WWOX: variants seen among roughly 807,000 people sequenced by gnomAD.
WWOX encodes the protein WW domain containing oxidoreductase, also known as WW domain-containing oxidoreductase.
In WWOX, 69 loss-of-function variants were observed where a neutral mutation model predicts 46.2. The ratio of observed to expected loss-of-function variants is 1.49; its 90% CI spans 1.23 to 1.82. The LOEUF is 1.82. Ranked by LOEUF, WWOX falls within the 40% of genes most tolerant of loss-of-function variation. The pLI is 0.00. For synonymous variants in WWOX, 359 were observed against 202.6 expected (o/e 1.77, Z -6.56); for missense variants, 919 against 542.6 (o/e 1.69, Z -6.89).
intron 6 of WWOX, among the ~76,000 whole-genome samples, chr16:78,404,706 G>C (rs2082486682): frequency 1.3e-5 from 2 of 152,154 alleles, no homozygotes; most frequent in South Asian, 4.1e-4. Context: ...GCACTATGTT[G>C]AAGTGAGGCT....
intron 8 of WWOX, among the ~76,000 whole-genome samples, chr16:78,480,291 A>G (rs1050572416): frequency 1.3e-5 from 2 of 152,240 alleles, no homozygotes; most frequent in African/African-American, 4.8e-5. Flanking sequence ...TTTTGGATAC[A>G]TCTGCTTTAA....
At chr16:79,033,015 T>A (rs1031010387) in intron 8 of WWOX, among the ~76,000 whole-genome samples, 2 of 151,636 alleles carry the variant, frequency 1.3e-5, no homozygotes, top group Non-Finnish European at 2.9e-5. Flanking sequence ...TGAGAACATA[T>A]GGTATTTGCA....
rs556121160 is a variant in WWOX at position 78,463,149 on chromosome 16, G to A, written c.1056+30397G>A. Among the ~76,000 whole-genome samples, 10 of 152,312 alleles carry A rather than the reference G, an allele frequency of 6.6e-5. No homozygotes were observed. The East Asian group carries it at 1.3e-3, about 21-fold the overall frequency. On this transcript the variant is annotated intron_variant, in intron 8 of 8. Coordinates refer to ENST00000566780, the MANE Select transcript of WWOX (RefSeq NM_016373.4). Reference sequence around the variant, plus strand: ...ACTGTAGGAGATTTGGGGTTGGCATGCCAGAGTGAAAACGCGAAAGAAAAT... The same window carrying A: ...ACTGTAGGAGATTTGGGGTTGGCATACCAGAGTGAAAACGCGAAAGAAAAT...
At chr16:78,127,508 A>C (rs1210781121) in intron 4 of WWOX, among the ~76,000 whole-genome samples, 1 of 132,406 alleles carries the variant, frequency 7.6e-6, no homozygotes, top group Admixed American at 7.8e-5. Context: ...AGAAAAGAAT[A>C]ATCAACGGAA....
intron 8 of WWOX, among the ~76,000 whole-genome samples, chr16:78,528,726 C>T (rs528216828): frequency 5.9e-5 from 9 of 151,690 alleles, no homozygotes; most frequent in South Asian, 4.2e-4. Flanking sequence ...TAAATTTGGC[C>T]GGTGAAAATG....
chr16:78,728,433 G>A (rs1038749523), intron 8 of WWOX, among the ~76,000 whole-genome samples: 1 of 152,128 alleles, frequency 6.6e-6, no homozygotes, highest in Non-Finnish European at 1.5e-5. Context: ...GTGGCGTTGT[G>A]CTACATTTCT....
intron 8 of WWOX, among the ~76,000 whole-genome samples, chr16:78,604,515 A>G (rs2045697454): frequency 6.6e-6 from 1 of 152,306 alleles, no homozygotes; most frequent in Middle Eastern, 3.4e-3. Context: ...ATTCTTTTGT[A>G]AAAATTAGAA....
At chr16:78,769,409 G>C (rs906889436) in intron 8 of WWOX, among the ~76,000 whole-genome samples, 3 of 152,022 alleles carry the variant, frequency 2.0e-5, no homozygotes, top group African/African-American at 7.2e-5. Flanking sequence ...AACCTGTCAA[G>C]CACATGTTGT....
intron 8 of WWOX, among the ~76,000 whole-genome samples, chr16:78,853,200 C>T (rs1486082826): frequency 6.6e-6 from 1 of 152,150 alleles, no homozygotes; most frequent in East Asian, 1.9e-4. Flanking sequence ...TAGTAAATAG[C>T]AGGTATAATT....
intron 8 of WWOX, among the ~76,000 whole-genome samples, chr16:78,503,161 A>G (rs555834070): frequency 6.6e-6 from 1 of 152,276 alleles, no homozygotes; most frequent in South Asian, 2.1e-4. Context: ...GAGAATCTCT[A>G]TTTATGTCTG....
rs145894878 is a variant in WWOX, at chr16:79,200,627, G to A, written c.1057-10981G>A. ...TCAGTAACCAGCAGTCATCACCACC[G>A]TCGTCGTCTTTTTTTTTGGCCATTA... On this transcript the variant is annotated intron_variant, in intron 8 of 8. Transcript: ENST00000566780. Among the ~76,000 whole-genome samples, 762 of 152,154 alleles carry A rather than the reference G, an allele frequency of 5.0e-3. 5 individuals are homozygous for A. Among genetic ancestry groups the A allele is most frequent in the Middle Eastern group, 6.8e-3 (2 of 294 alleles).
At chr16:78,796,005 C>G (rs548199134) in intron 8 of WWOX, among the ~76,000 whole-genome samples, 48 of 152,218 alleles carry the variant, frequency 3.2e-4, no homozygotes, top group Non-Finnish European at 5.9e-4. Flanking sequence ...GTTTAAATAT[C>G]CTAAGACCCA....
chr16:79,158,913 A>G (rs765118215), intron 8 of WWOX, among the ~76,000 whole-genome samples: 3 of 152,196 alleles, frequency 2.0e-5, no homozygotes, highest in Non-Finnish European at 2.9e-5. Flanking sequence ...CAGTTCCTAC[A>G]ACAGTGCCCA....
intron 8 of WWOX, among the ~76,000 whole-genome samples, chr16:79,149,489 T>A (rs1289496090): frequency 6.6e-6 from 1 of 152,190 alleles, no homozygotes; most frequent in Admixed American, 6.5e-5. Flanking sequence ...CTCAGTTTAG[T>A]GCCCAACAAG....
intron 4 of WWOX, among the ~76,000 whole-genome samples, chr16:78,120,093 T>C (rs1183221796): frequency 6.6e-6 from 1 of 152,104 alleles, no homozygotes; most frequent in Non-Finnish European, 1.5e-5. Context: ...GAAATATATT[T>C]TGGGACTGAC....
chr16:79,108,567 G>A (rs902597262), intron 8 of WWOX, among the ~76,000 whole-genome samples: 1 of 152,216 alleles, frequency 6.6e-6, no homozygotes, highest in Admixed American at 6.5e-5. Context: ...ACTTAAGGGT[G>A]ATTGGCTATT....
At chr16:78,199,130 G>T (rs1306693976) in intron 5 of WWOX, among the ~76,000 whole-genome samples, 1 of 152,062 alleles carries the variant, frequency 6.6e-6, no homozygotes, top group African/African-American at 2.4e-5. Flanking sequence ...TGGCTAACAC[G>T]GTGAAACCCC....
chr16:79,023,439 G>T (rs1290198305), intron 8 of WWOX, among the ~76,000 whole-genome samples: 1 of 152,162 alleles, frequency 6.6e-6, no homozygotes, highest in African/African-American at 2.4e-5. Flanking sequence ...GGATGGGGCT[G>T]ACTGAGACTG....
intron 8 of WWOX, among the ~76,000 whole-genome samples, chr16:78,845,387 G>A (rs528010657): frequency 6.6e-6 from 1 of 152,246 alleles, no homozygotes; most frequent in Admixed American, 6.5e-5. Flanking sequence ...AATATCAAAT[G>A]AGAAGTTTTC....
Sources: gnomAD v4.1 joint callset for allele counts (sites outside exome capture counted in the v4.1 genomes callset) on GRCh38, gnomAD v4.1.1 for gene constraint, MANE v1.5 for transcripts, NCBI Gene and HGNC (gene_info 2026-07-23, HGNC 2026-07-21) for gene names.